The following HOMER2 variants were observed in gnomAD, a reference collection of about 807,000 sequenced individuals.
HOMER2 encodes the protein homer protein homolog 2.
Under a neutral mutation model 47.0 loss-of-function variants are expected in HOMER2, and 27 were observed. That is an observed-to-expected ratio of 0.57 (90% CI 0.42 to 0.79). The LOEUF is 0.79. Among genes scored for constraint, HOMER2 ranks in the 30% least tolerant of loss-of-function variants. HOMER2 has a pLI of 0.00. For synonymous variants in HOMER2, 161 were observed against 163.8 expected (o/e 0.98, Z 0.13); for missense variants, 443 against 435.0 (o/e 1.02, Z -0.16).
At chr15:82,907,175 G>C (rs1247366248) in intron 1 of HOMER2, among the ~76,000 whole-genome samples, 1 of 152,096 alleles carries the variant, frequency 6.6e-6, no homozygotes, top group African/African-American at 2.4e-5. Flanking sequence ...GGCCAACATG[G>C]TGAAAGTCTG....
chr15:82,895,145 C>G (rs951977582), intron 1 of HOMER2, among the ~76,000 whole-genome samples: 2 of 152,212 alleles, frequency 1.3e-5, no homozygotes, highest in Non-Finnish European at 2.9e-5. Context: ...CATTCCAGAA[C>G]AGAGGCTAGC....
intron 1 of HOMER2, among the ~76,000 whole-genome samples, chr15:82,923,759 G>A (rs556229774): frequency 2.0e-5 from 3 of 152,216 alleles, no homozygotes; most frequent in African/African-American, 7.2e-5. Flanking sequence ...TGACCCTCTC[G>A]GCTCCTGGCA....
downstream of HOMER2, chr15:82,834,888 C>T (rs1205848367): frequency 6.6e-6 from 1 of 152,096 alleles, no homozygotes; most frequent in Non-Finnish European, 1.5e-5. Context: ...TTATTTTCCT[C>T]AGGAACTGAA....
At chr15:82,842,410 T>G (rs1231032228) in exon 2 of HOMER2, 1 of 151,042 alleles carries the variant, frequency 6.6e-6, no homozygotes, top group South Asian at 2.1e-4. Flanking sequence ...GTTCACTGCC[T>G]CAGCCTCCCA....
At chr15:82,923,567 C>T (rs1019296581) in intron 1 of HOMER2, among the ~76,000 whole-genome samples, 1 of 151,724 alleles carries the variant, frequency 6.6e-6, no homozygotes, top group Admixed American at 6.6e-5. Context: ...CTCAGAGTGA[C>T]CAGCTCCTGC....
rs1453694027 is a variant in HOMER2, at chr15:82,854,794, G to A, written c.501C>T (p.Ala167=). The change falls in exon 6 of 9, where the codon GCC becomes GCT. Residue 167 remains alanine, a synonymous_variant. Transcript: ENST00000450735. The part of the protein sequence containing the change: ...KLKIALTQSA[A]NVKKWEIELQ... ...GCTCGATCTCCCACTTCTTCACGTTGGCTGCGCTGCAGGACAGGGACGGGC... is the reference window on the plus strand; with the variant it reads ...GCTCGATCTCCCACTTCTTCACGTTAGCTGCGCTGCAGGACAGGGACGGGC... 1 of 1,608,626 alleles carries A rather than the reference G, an allele frequency of 6.2e-7. No individual in the cohort carries two copies. The highest frequency in any genetic ancestry group is 8.5e-7 in the Non-Finnish European group (1 of 1,179,468).
Position 82,868,523 on chromosome 15 carries a change from T to TTATATATATATATATATATATA in HOMER2, c.295-4265_295-4264insTATATATATATATATATATATA, listed in dbSNP as rs1244361918. ...AAGTTATATATATCACTTATTTATT[T>TTATATATATATATATATATATA]TATATATATATATATATATTTTTTT... is the stretch of plus-strand genomic sequence containing the variant. On this transcript the variant is annotated intron_variant, in intron 3 of 8. Coordinates refer to ENST00000450735, the MANE Select transcript of HOMER2 (RefSeq NM_004839.4). Among the ~76,000 whole-genome samples, 29 of 36,626 alleles carry TTATATATATATATATATATATA rather than the reference T, an allele frequency of 7.9e-4. 1 individual carries two copies. Among genetic ancestry groups the TTATATATATATATATATATATA allele is most frequent in the South Asian group, 3.6e-3 (2 of 554 alleles). 24.0% of individuals were successfully genotyped at this position (36,626 alleles called of 152,430 possible).
Position 82,892,575 on chromosome 15 carries a change from T to A in HOMER2, c.162+110A>T, listed in dbSNP as rs78767315. On this transcript the variant is annotated intron_variant, in intron 2 of 8. Transcript: ENST00000450735. ...TAAATGCAAAAAGAACAGAATATGT[T>A]ATACAGACATTATAACAATAACTTA... is the stretch of plus-strand genomic sequence containing the variant. 5.2e-3 allele frequency: 4,339 copies of A among 827,270 alleles called. 18 individuals carry two copies. Among genetic ancestry groups the A allele is most frequent in the Non-Finnish European group, 6.7e-3 (3,758 of 559,712 alleles). The allele number at this position is 827,270 out of a possible 1,614,324, so 51.2% of individuals were successfully genotyped here. A position where few individuals can be genotyped will look rare whatever the true frequency, so the allele number is the denominator to read the frequency against.
intron 1 of HOMER2, among the ~76,000 whole-genome samples, chr15:82,943,342 T>G (rs1355228741): frequency 1.3e-5 from 2 of 152,094 alleles, no homozygotes; most frequent in Non-Finnish European, 2.9e-5. Flanking sequence ...CCAACGGTGC[T>G]CCATGACAAT....
intron 4 of HOMER2, among the ~76,000 whole-genome samples, chr15:82,859,668 T>C (rs1350153429): frequency 6.6e-6 from 1 of 152,198 alleles, no homozygotes; most frequent in Non-Finnish European, 1.5e-5. Context: ...GTCCTGTTGT[T>C]TGCCCACTCC....
At chr15:82,877,002 T>C (rs1257292949) in intron 2 of HOMER2, among the ~76,000 whole-genome samples, 1 of 152,224 alleles carries the variant, frequency 6.6e-6, no homozygotes, top group African/African-American at 2.4e-5. Context: ...AACCTTAGCT[T>C]AGCTGGTAAA....
At chr15:82,902,197 ATTT>A (rs35594463) in intron 1 of HOMER2, among the ~76,000 whole-genome samples, 6 of 135,048 alleles carry the variant, frequency 4.4e-5, no homozygotes, top group Admixed American at 7.6e-5. Context: ...CATCCAAGTG[ATTT>A]TTTTTTTTTT....
At chr15:82,898,484 G>A (rs995331206) in intron 1 of HOMER2, 4 of 152,174 alleles carry the variant, frequency 2.6e-5, no homozygotes, top group Non-Finnish European at 5.9e-5. Context: ...GCTTTAAATA[G>A]AAAGCAGATG....
chr15:82,878,211 G>C (rs1359612663), intron 2 of HOMER2, among the ~76,000 whole-genome samples: 1 of 152,194 alleles, frequency 6.6e-6, no homozygotes, highest in African/African-American at 2.4e-5. Context: ...CCAGAGTATA[G>C]GATATGGCTC....
chr15:82,873,956 A>G (rs1054522160), intron 3 of HOMER2, among the ~76,000 whole-genome samples: 6 of 152,234 alleles, frequency 3.9e-5, no homozygotes, highest in African/African-American at 1.4e-4. Context: ...GAAGGGGACC[A>G]GTTAGCAGGC....
intron 1 of HOMER2, among the ~76,000 whole-genome samples, chr15:82,937,968 T>C (rs894758823): frequency 6.6e-6 from 1 of 152,248 alleles, no homozygotes; most frequent in African/African-American, 2.4e-5. Context: ...AGTCAGTATT[T>C]GCTTCAGCTC....
intron 1 of HOMER2, among the ~76,000 whole-genome samples, chr15:82,932,861 G>T (rs934207851): frequency 6.6e-6 from 1 of 152,142 alleles, no homozygotes; most frequent in African/African-American, 2.4e-5. Flanking sequence ...CACCCCAACT[G>T]TGAGAGGTGC....
chr15:82,892,876 A>T lies in HOMER2; in HGVS notation c.6-35T>A, dbSNP rs767796585. On this transcript the variant is annotated intron_variant, in intron 1 of 8. Transcript: ENST00000450735. ...GAGAGTGGGCGTGTGAGTTGAGAGA[A>T]CATGACTTAATGTATAATTTATGAT... The T allele has an allele frequency of 9.0e-6, 13 of 1,448,522 alleles. 1 individual carries two copies. The South Asian group carries it at 1.8e-4, about 20-fold the overall frequency. 89.7% of individuals were successfully genotyped at this position (1,448,522 alleles called of 1,614,324 possible).
intron 1 of HOMER2, among the ~76,000 whole-genome samples, chr15:82,943,433 T>C (rs1020324270): frequency 6.6e-6 from 1 of 152,230 alleles, no homozygotes; most frequent in Non-Finnish European, 1.5e-5. Context: ...AGCTGAAATA[T>C]GTCTTGATGC....
Sources: allele counts gnomAD v4.1 joint callset (sites outside exome capture counted in the v4.1 genomes callset), GRCh38; gene constraint gnomAD v4.1.1; transcripts MANE v1.5; gene names NCBI Gene and HGNC (gene_info 2026-07-23, HGNC 2026-07-21).